The following RALGAPA2 variants were observed in gnomAD, a reference collection of about 807,000 sequenced individuals.
RALGAPA2 encodes Ral GTPase activating protein catalytic subunit alpha 2.
In RALGAPA2, 139 loss-of-function variants were observed where a neutral mutation model predicts 230.4. That is an observed-to-expected ratio of 0.60 (90% CI 0.53 to 0.69). The LOEUF is 0.69. RALGAPA2 is among the 30% of genes least tolerant of loss of function. RALGAPA2 has a pLI of 0.00. For missense variants in RALGAPA2, 2,163 were observed against 2,276.0 expected (o/e 0.95, Z 1.01); for synonymous variants, 847 against 837.8 (o/e 1.01, Z -0.19).
rs8122743 is a variant in RALGAPA2, at chr20:20,395,254, T to C, written c.*35+1441A>G. ...TACACAGGCCTCTGGTCCCCAGCTT[T>C]CTGCTGGGACATTCTCATCTGCACT... On this transcript the variant is annotated intron_variant, in intron 39 of 39. Transcript: ENST00000202677. Among the ~76,000 whole-genome samples the C allele has an allele frequency of 6.1e-3, 929 of 152,354 alleles. 12 individuals are homozygous for C. Among genetic ancestry groups the C allele is most frequent in the African/African-American group, 0.021 (892 of 41,592 alleles).
intron 37 of RALGAPA2, among the ~76,000 whole-genome samples, chr20:20,428,107 G>A (rs1038777603): frequency 6.6e-5 from 10 of 152,104 alleles, no homozygotes; most frequent in African/African-American, 2.4e-4. Flanking sequence ...TTTATATTCT[G>A]GGATAATTCT....
chr20:20,431,053 C>T (rs1433974411), intron 37 of RALGAPA2, among the ~76,000 whole-genome samples: 1 of 151,994 alleles, frequency 6.6e-6, no homozygotes, highest in Admixed American at 6.5e-5. Context: ...ATGGCTATAC[C>T]CTTTTGGTGT....
intron 2 of RALGAPA2, among the ~76,000 whole-genome samples, chr20:20,680,105 A>G (rs1302674600): frequency 6.6e-6 from 1 of 152,220 alleles, no homozygotes; most frequent in Non-Finnish European, 1.5e-5. Flanking sequence ...TTGCCCAAGG[A>G]GAAACAGCTA....
chr20:20,660,178 A>G (rs919567459), intron 3 of RALGAPA2, among the ~76,000 whole-genome samples: 1 of 151,714 alleles, frequency 6.6e-6, no homozygotes, highest in African/African-American at 2.4e-5. Context: ...CGGTAAGCTG[A>G]TATTGCACCA....
chr20:20,697,317 G>A (rs962888014), intron 1 of RALGAPA2, among the ~76,000 whole-genome samples: 7 of 152,012 alleles, frequency 4.6e-5, no homozygotes, highest in Non-Finnish European at 8.8e-5. Context: ...GTGACAGAGT[G>A]AGACCTCCAT....
In RALGAPA2 at chr20:20,531,715, G is replaced by A; in HGVS notation, c.3554C>T (p.Ala1185Val). 6.2e-7 allele frequency: 1 copy of A among 1,607,440 alleles called. No individual in the cohort carries two copies. The highest frequency in any genetic ancestry group is 8.5e-7 in the Non-Finnish European group (1 of 1,176,638). ...CAGAGTTACTCCTATCACATTGATG[G>A]CCTCTTTCACCTGAGGGTGGCTTGT... ...QCTSHPQVKE[A>V]INVIGVTLKF... The change falls in exon 27 of 40, where the codon GCC (alanine) becomes GTC (valine). Residue 1185 changes from alanine (A) to valine (V), a missense_variant. Coordinates refer to ENST00000202677, the MANE Select transcript of RALGAPA2 (RefSeq NM_020343.4).
chr20:20,583,253 A>G, intron 19 of RALGAPA2, 27 bp from the exon 20 acceptor site: 3 of 1,566,848 alleles, frequency 1.9e-6, no homozygotes, highest in Non-Finnish European at 1.7e-6. Flanking sequence ...ACCAAAGTTT[A>G]AGATAAAAAA....
chr20:20,507,029 G>T (rs2062556097), intron 33 of RALGAPA2, among the ~76,000 whole-genome samples: 1 of 152,158 alleles, frequency 6.6e-6, no homozygotes, highest in African/African-American at 2.4e-5. Context: ...ACCATTTTAG[G>T]ATACACTTTT....
chr20:20,565,136 G>A (rs1390428140), intron 23 of RALGAPA2, among the ~76,000 whole-genome samples: 1 of 152,158 alleles, frequency 6.6e-6, no homozygotes, highest in Non-Finnish European at 1.5e-5. Context: ...TACAGAATGA[G>A]CACTTTAGAG....
intron 36 of RALGAPA2, among the ~76,000 whole-genome samples, chr20:20,489,192 C>A (rs553065873): frequency 6.6e-6 from 1 of 152,252 alleles, no homozygotes; most frequent in East Asian, 1.9e-4. Context: ...GCGTCTACAG[C>A]ACAGAGGAAG....
chr20:20,542,626 C>G (rs1171737715), intron 24 of RALGAPA2, among the ~76,000 whole-genome samples: 2 of 152,170 alleles, frequency 1.3e-5, no homozygotes, highest in Non-Finnish European at 2.9e-5. Context: ...ACCATCTGAT[C>G]TTTGACAAAT....
chr20:20,580,923 T>C (rs2064965573), intron 20 of RALGAPA2, among the ~76,000 whole-genome samples: 1 of 152,230 alleles, frequency 6.6e-6, no homozygotes, highest in Non-Finnish European at 1.5e-5. Context: ...TCTCTTTGCA[T>C]GTCCTAAAAA....
intron 31 of RALGAPA2, among the ~76,000 whole-genome samples, chr20:20,514,826 G>A (rs550841949): frequency 1.3e-5 from 2 of 152,294 alleles, no homozygotes; most frequent in African/African-American, 2.4e-5. Flanking sequence ...TGCACTCCAA[G>A]CCCAGGCAGA....
intron 33 of RALGAPA2, among the ~76,000 whole-genome samples, chr20:20,507,068 C>G (rs1268427734): frequency 5.9e-5 from 9 of 152,204 alleles, no homozygotes; most frequent in Admixed American, 5.9e-4. Context: ...CTACTACATT[C>G]TGTTTTACAA....
Position 20,712,340 on chromosome 20 carries a change from G to A in RALGAPA2, c.106+35C>T, listed in dbSNP as rs781013027. Reference sequence around the variant, plus strand: ...CCCTCCCGGCAGGTGCCCCTAACCCGGCGCCCCGACCCCCGCGCCCGGCGC... The same window carrying A: ...CCCTCCCGGCAGGTGCCCCTAACCCAGCGCCCCGACCCCCGCGCCCGGCGC... On this transcript the variant is annotated intron_variant, in intron 1 of 39. Transcript: ENST00000202677. The surrounding 1 kb of genome is among the most constrained non-coding windows in gnomAD (Gnocchi z 5.5). The A allele has an allele frequency of 8.5e-5, 112 of 1,321,248 alleles. 1 individual carries two copies. The South Asian group carries it at 1.3e-3, about 15-fold the overall frequency. The allele number at this position is 1,321,248 out of a possible 1,614,324, so 81.8% of individuals were successfully genotyped here. A position where few individuals can be genotyped will look rare whatever the true frequency, so the allele number is the denominator to read the frequency against.
intron 37 of RALGAPA2, among the ~76,000 whole-genome samples, chr20:20,457,308 C>T (rs903563722): frequency 6.6e-6 from 1 of 152,122 alleles, no homozygotes; most frequent in Non-Finnish European, 1.5e-5. Flanking sequence ...TCCTATAAAT[C>T]GTATTATCTT....
intron 37 of RALGAPA2, among the ~76,000 whole-genome samples, chr20:20,427,543 C>A (rs889802083): frequency 6.6e-6 from 1 of 152,042 alleles, no homozygotes; most frequent in African/African-American, 2.4e-5. Context: ...TCTTCCTGCC[C>A]CTGGTCCTGG....
At chr20:20,416,880 G>A (rs1271803211) in intron 37 of RALGAPA2, among the ~76,000 whole-genome samples, 2 of 152,070 alleles carry the variant, frequency 1.3e-5, no homozygotes, top group African/African-American at 4.8e-5. Flanking sequence ...TGGACATGAC[G>A]CTCAGACTGG....
intron 1 of RALGAPA2, among the ~76,000 whole-genome samples, chr20:20,694,786 G>C (rs1250644135): frequency 1.3e-5 from 2 of 152,182 alleles, no homozygotes; most frequent in African/African-American, 4.8e-5. Flanking sequence ...CAGGTGCAGG[G>C]AAGAGAGAGA....
Sources: allele counts gnomAD v4.1 joint callset (sites outside exome capture counted in the v4.1 genomes callset), GRCh38; gene constraint gnomAD v4.1.1; non-coding constraint Gnocchi (gnomAD v3.1); transcripts MANE v1.5; gene names NCBI Gene and HGNC (gene_info 2026-07-23, HGNC 2026-07-21).